The following PRPF31 variants were observed in gnomAD, a reference collection of about 807,000 sequenced individuals.
PRPF31 encodes U4/U6 small nuclear ribonucleoprotein Prp31.
PRPF31 carries 12 observed loss-of-function variants against 60.4 expected under a neutral mutation model. The ratio of observed to expected loss-of-function variants is 0.20; its 90% confidence interval spans 0.13 to 0.32. PRPF31 has a LOEUF of 0.32. Ranked by LOEUF, PRPF31 falls within the 10% of genes least tolerant of loss-of-function variation. PRPF31 has a pLI of 1.00. For synonymous variants in PRPF31, 287 were observed against 287.9 expected (o/e 1.00, Z 0.03); for missense variants, 431 against 687.1 (o/e 0.63, Z 4.17).
chr19:54,131,201 C>T (rs1424092993), intron 13 of PRPF31, 106 bp from the exon 14 acceptor site: 2 of 1,489,044 alleles, frequency 1.3e-6, no homozygotes, highest in South Asian at 1.1e-5. Flanking sequence ...GTCTCATGCC[C>T]ACCAAGGCCT....
rs2073879134 is a variant in PRPF31 at position 54,124,728 on chromosome 19, A to G, written c.855+72A>G. The stretch of plus-strand genomic sequence containing the variant: ...TCCGCTGTGCCCAGACAGCCTGAGC[A>G]GCCACCCACCATCTGGCCCAGCTGA... On this transcript the variant is annotated intron_variant, in intron 8 of 13. Transcript: ENST00000321030. 17 of 1,538,300 alleles carry G rather than the reference A, an allele frequency of 1.1e-5. No homozygotes were observed. In the South Asian group the frequency reaches 1.3e-4, roughly 12 times the overall value.
In PRPF31 at chr19:54,131,698, A is replaced by ATT; in HGVS notation, c.*266_*267insTT. The ATT allele has an allele frequency of 3.5e-6, 2 of 563,980 alleles. No homozygotes were observed. The highest frequency in any genetic ancestry group is 6.0e-5 in the East Asian group (2 of 33,088). The allele number at this position is 563,980 out of a possible 1,614,324, so 34.9% of individuals were successfully genotyped here. ...GATTTTTTGAAAAGAGTACAATTAAAAGGACATTGTCAAGATCTGTCCTTG... is the reference window on the plus strand; with the variant it reads ...GATTTTTTGAAAAGAGTACAATTAAATTAGGACATTGTCAAGATCTGTCCTTG... On this transcript the variant is annotated 3_prime_UTR_variant, in exon 14 of 14. Coordinates refer to ENST00000321030, the MANE Select transcript of PRPF31 (RefSeq NM_015629.4).
At chr19:54,119,170 C>T (rs2146396683) in intron 3 of PRPF31, among the ~76,000 whole-genome samples, 1 of 152,206 alleles carries the variant, frequency 6.6e-6, no homozygotes, top group East Asian at 1.9e-4. Context: ...ATCATGAGTT[C>T]AGGAGATCGA....
intron 11 of PRPF31, 74 bp from the exon 12 acceptor site, chr19:54,128,983 G>T (rs1171714277): frequency 2.0e-6 from 3 of 1,465,948 alleles, no homozygotes; most frequent in Non-Finnish European, 2.8e-6. Flanking sequence ...CTTCGGGCTG[G>T]TGGAGGGGGT....
At chr19:54,125,082 T>C (rs1247264567) in intron 8 of PRPF31, 2 of 296,824 alleles carry the variant, frequency 6.7e-6, no homozygotes, top group Non-Finnish European at 1.3e-5. Context: ...ACATCAGCCA[T>C]GGGGAGAGAC....
rs1280827499 is a variant in PRPF31 at position 54,126,605 on chromosome 19, C to T, written c.933C>T (p.Ser311=). ...CCCGTGTGGACAGTTTCCACGAGAG[C>T]ACAGAAGGGAAGGTGAGGAGGGAAA... The part of the protein sequence containing the change: ...LAARVDSFHE[S]TEGKVGYELK... The change falls in exon 9 of 14, where the codon AGC becomes AGT. Residue 311 remains serine, a synonymous_variant. Transcript: ENST00000321030. 1.2e-6 allele frequency: 2 copies of T among 1,613,708 alleles called. No individual in the cohort carries two copies. The highest frequency in any genetic ancestry group is 3.3e-5 in the Admixed American group (2 of 59,954).
At chr19:54,129,476 T>C in intron 13 of PRPF31, 106 bp downstream of exon 13, 1 of 1,332,354 alleles carries the variant, frequency 7.5e-7, no homozygotes, top group Non-Finnish European at 1.0e-6. Flanking sequence ...ATGGGGCTGT[T>C]GTGGAGGGTG....
At position 54,118,339 on chromosome 19, in the gene PRPF31, G is replaced by A; in HGVS notation, c.61G>A (p.Gly21Arg). ...LEEAAEEEEGGSYGEEEEEPA... is the reference protein window; with the variant it reads ...LEEAAEEEEGRSYGEEEEEPA... ...AGAGGCAGCAGAAGAGGAGGAAGGA[G>A]GAAGCTATGGGGAGGAAGAAGAGGA... Residue 21 changes from glycine to arginine, a missense_variant, in exon 2 of 14, where the codon GGA becomes AGA. Around this residue, in one of 4 missense-constraint regions of PRPF31, gnomAD observed 113 missense variants for 173.8 expected, o/e 0.65. Coordinates refer to ENST00000321030, the MANE Select transcript of PRPF31 (RefSeq NM_015629.4). The A allele has an allele frequency of 1.2e-6, 2 of 1,613,974 alleles. No individual in the cohort carries two copies. The highest frequency in any genetic ancestry group is 1.7e-6 in the Non-Finnish European group (2 of 1,180,008).
At chr19:54,117,517 T>C (rs2073678197) in intron 1 of PRPF31, among the ~76,000 whole-genome samples, 2 of 151,966 alleles carry the variant, frequency 1.3e-5, no homozygotes, top group African/African-American at 4.8e-5. Context: ...TCTCTGGAGT[T>C]TTGCAGCTGG....
chr19:54,118,357 G>A lies in PRPF31; in HGVS notation c.79G>A (p.Glu27Lys). ...GGAAGGAGGAAGCTATGGGGAGGAA[G>A]AAGAGGAGCCAGCGATCGAGGATGT... is the stretch of plus-strand genomic sequence containing the variant. ...EEEGGSYGEE[E>K]EEPAIEDVQE... Residue 27 changes from glutamate to lysine, a missense_variant, in exon 2 of 14, where the codon GAA becomes AAA. Coordinates refer to ENST00000321030, the MANE Select transcript of PRPF31 (RefSeq NM_015629.4). 1 of 1,614,082 alleles carries A rather than the reference G, an allele frequency of 6.2e-7. No homozygotes were observed. Among genetic ancestry groups the A allele is most frequent in the Non-Finnish European group, 8.5e-7 (1 of 1,179,998 alleles).
chr19:54,127,262 T>C (rs973251273), intron 9 of PRPF31, among the ~76,000 whole-genome samples: 2 of 152,140 alleles, frequency 1.3e-5, no homozygotes, highest in Non-Finnish European at 2.9e-5. Context: ...CATTCCCTGG[T>C]CTTTTCCAGC....
At chr19:54,121,227 C>G (rs2073779426) in intron 3 of PRPF31, among the ~76,000 whole-genome samples, 1 of 151,728 alleles carries the variant, frequency 6.6e-6, no homozygotes, top group Non-Finnish European at 1.5e-5. Flanking sequence ...CGCTTGAACC[C>G]AGGAGGCGGA....
chr19:54,130,817 C>T (rs1190443141), intron 13 of PRPF31, among the ~76,000 whole-genome samples: 5 of 152,108 alleles, frequency 3.3e-5, no homozygotes, highest in African/African-American at 1.2e-4. Flanking sequence ...GCACAGGAAG[C>T]ACTTGGCACT....
chr19:54,123,745 G>A lies in PRPF31; in HGVS notation c.528-4G>A, dbSNP rs1227928229. 6.2e-7 allele frequency: 1 copy of A among 1,607,964 alleles called. No homozygotes were observed. Among genetic ancestry groups the A allele is most frequent in the Non-Finnish European group, 8.5e-7 (1 of 1,178,472 alleles). The stretch of plus-strand genomic sequence containing the variant: ...CAGGAGGCTGGGCCCACCCGCCCCT[G>A]CAGGCAGCAGCTGTCGGAGGAGGAG... On this transcript the variant is annotated splice_polypyrimidine_tract_variant and splice_region_variant and intron_variant, in intron 6 of 13. Transcript: ENST00000321030.
chr19:54,123,337 A>G, intron 5 of PRPF31, 117 bp from the exon 6 acceptor site: 1 of 822,874 alleles, frequency 1.2e-6, no homozygotes, highest in Non-Finnish European at 2.1e-6. Flanking sequence ...CCCCCAGTGC[A>G]GAGACCCTGA....
rs779668113 is a variant in PRPF31, at chr19:54,124,557, C to T, written c.756C>T (p.Leu252=). ...SKMPACNIML[L]GAQRKTLSGF... ...TGCCCGCCTGCAACATCATGCTGCT[C>T]GGGGCCCAGCGCAAGACGCTGTCGG... The change falls in exon 8 of 14, where the codon CTC becomes CTT. Residue 252 remains leucine, a synonymous_variant. Transcript: ENST00000321030. The T allele has an allele frequency of 2.9e-5, 47 of 1,612,596 alleles. No individual in the cohort carries two copies. Among genetic ancestry groups the T allele is most frequent in the South Asian group, 1.9e-4 (17 of 91,080 alleles).
chr19:54,125,835 G>A (rs746019472), intron 8 of PRPF31, among the ~76,000 whole-genome samples: 10 of 152,182 alleles, frequency 6.6e-5, no homozygotes, highest in Admixed American at 2.6e-4. Context: ...CCTGGGGCTC[G>A]GGGCTCCAGC....
chr19:54,128,987 A>G, intron 11 of PRPF31, 70 bp from the exon 12 acceptor site: 1 of 1,474,522 alleles, frequency 6.8e-7, no homozygotes, highest in African/African-American at 1.4e-5. Context: ...GGGCTGGTGG[A>G]GGGGGTGCCT....
intron 7 of PRPF31, 88 bp downstream of exon 7, chr19:54,124,006 CT>C: frequency 6.3e-7 from 1 of 1,584,908 alleles, no homozygotes; most frequent in South Asian, 1.1e-5. Context: ...AGAATGGGGG[CT>C]TTGGCACCTG....
Sources: allele counts gnomAD v4.1 joint callset (sites outside exome capture counted in the v4.1 genomes callset), GRCh38; gene constraint gnomAD v4.1.1; regional missense constraint gnomAD v4.1.1; transcripts MANE v1.5; gene names NCBI Gene and HGNC (gene_info 2026-07-23, HGNC 2026-07-21).